MARCHF8: variants seen among roughly 807,000 people sequenced by gnomAD.
MARCHF8 encodes E3 ubiquitin-protein ligase MARCHF8.
MARCHF8 carries 40 observed loss-of-function variants against 51.6 expected under a neutral mutation model. The ratio of observed to expected loss-of-function variants is 0.77; its 90% CI spans 0.60 to 1.01. The LOEUF (loss-of-function observed/expected upper bound fraction) is 1.01. Ranked by LOEUF, MARCHF8 falls within the 50% of genes least tolerant of loss-of-function variation. MARCHF8 has a pLI of 0.00. For synonymous variants in MARCHF8, 263 were observed against 280.3 expected (o/e 0.94, Z 0.62); for missense variants, 685 against 708.6 (o/e 0.97, Z 0.38).
rs186188332 is a variant in MARCHF8 at position 45,506,412 on chromosome 10, T to C, written c.103-16995A>G. 8.1e-4 allele frequency among the ~76,000 whole-genome samples: 124 copies of C among 152,384 alleles called. 3 individuals carry two copies. The highest frequency in any genetic ancestry group is 7.0e-3 in the Admixed American group (107 of 15,312). On this transcript the variant is annotated intron_variant, in intron 2 of 7. Coordinates refer to ENST00000453424, the MANE Select transcript of MARCHF8 (RefSeq NM_001282866.2). The stretch of plus-strand genomic sequence containing the variant: ...TGAATAAACTAGCGTTACTTCTACT[T>C]AATGTCTAAGATTATGGAAAAGGTA...
intron 3 of MARCHF8, among the ~76,000 whole-genome samples, chr10:45,466,773 G>A (rs1432648871): frequency 6.6e-6 from 1 of 152,156 alleles, no homozygotes; most frequent in African/African-American, 2.4e-5. Context: ...TTTCTGATGG[G>A]AAATTAAAGT....
intron 1 of MARCHF8, among the ~76,000 whole-genome samples, chr10:45,561,071 T>C (rs527250810): frequency 1.2e-4 from 18 of 152,272 alleles, no homozygotes; most frequent in Non-Finnish European, 2.2e-4. Flanking sequence ...TTCTCTATGA[T>C]GGCAGGGCAC....
intron 1 of MARCHF8, among the ~76,000 whole-genome samples, chr10:45,550,370 G>C (rs1173518835): frequency 1.3e-5 from 2 of 152,174 alleles, no homozygotes; most frequent in African/African-American, 4.8e-5. Flanking sequence ...ATCTTTAGTA[G>C]GCTGACAGAG....
upstream of MARCHF8, among the ~76,000 whole-genome samples, chr10:45,535,976 A>G (rs776729221): frequency 9.9e-5 from 15 of 152,222 alleles, no homozygotes; most frequent in Non-Finnish European, 1.8e-4. Context: ...TAAAATGGCA[A>G]TTCTTCCCAA....
At chr10:45,589,784 A>T (rs948717186) in intron 1 of MARCHF8, among the ~76,000 whole-genome samples, 2 of 152,196 alleles carry the variant, frequency 1.3e-5, no homozygotes, top group East Asian at 3.8e-4. Flanking sequence ...CACTGCATGG[A>T]TAGACCACAT....
chr10:45,563,304 GC>G (rs2044330858), intron 1 of MARCHF8, among the ~76,000 whole-genome samples: 1 of 152,148 alleles, frequency 6.6e-6, no homozygotes, highest in Admixed American at 6.5e-5. Flanking sequence ...TGGAATTACA[GC>G]CGTGAGCCAC....
chr10:45,458,600 A>C (rs1386907950), intron 7 of MARCHF8, 57 bp from the exon 8 acceptor site: 2 of 1,481,838 alleles, frequency 1.3e-6, no homozygotes, highest in Admixed American at 4.8e-5. Flanking sequence ...GTAAAGAAAA[A>C]CACAACTTCT....
chr10:45,576,519 A>T (rs74411575), intron 1 of MARCHF8, among the ~76,000 whole-genome samples: 9,389 of 152,286 alleles, frequency 0.062, 329 homozygotes, highest in Non-Finnish European at 0.066. Flanking sequence ...TGGTGTTAGA[A>T]TAACACTGGT....
intron 2 of MARCHF8, among the ~76,000 whole-genome samples, chr10:45,506,599 A>G (rs1315500924): frequency 6.6e-6 from 1 of 152,266 alleles, no homozygotes; most frequent in Non-Finnish European, 1.5e-5. Context: ...ATATGCACTC[A>G]ATACTGATCT....
At chr10:45,469,934 G>T (rs1266225244) in intron 3 of MARCHF8, among the ~76,000 whole-genome samples, 1 of 138,936 alleles carries the variant, frequency 7.2e-6, no homozygotes, top group Admixed American at 7.2e-5. Context: ...TCACTTGAAA[G>T]TCACTGCCTG....
chr10:45,543,368 G>A (rs2044078672), intron 1 of MARCHF8, among the ~76,000 whole-genome samples: 1 of 152,076 alleles, frequency 6.6e-6, no homozygotes, highest in Admixed American at 6.5e-5. Flanking sequence ...CTTTGCAGAT[G>A]TTATTTAAAA....
intron 2 of MARCHF8, among the ~76,000 whole-genome samples, chr10:45,524,933 G>C (rs2043766969): frequency 6.6e-6 from 1 of 152,224 alleles, no homozygotes; most frequent in Admixed American, 6.5e-5. Flanking sequence ...ATTAAACTGG[G>C]AGTTTGCCCA....
intron 1 of MARCHF8, among the ~76,000 whole-genome samples, chr10:45,570,412 C>T (rs1175163813): frequency 3.9e-5 from 6 of 152,056 alleles, no homozygotes; most frequent in Admixed American, 2.6e-4. Flanking sequence ...AAGCATTTGA[C>T]GAAGTTCCAT....
intron 3 of MARCHF8, among the ~76,000 whole-genome samples, chr10:45,484,157 T>A (rs963021694): frequency 6.6e-6 from 1 of 152,124 alleles, no homozygotes; most frequent in African/African-American, 2.4e-5. Context: ...TAACAAAATA[T>A]CAGAGGTACC....
chr10:45,541,893 G>C (rs1245866372), intron 1 of MARCHF8, among the ~76,000 whole-genome samples: 1 of 152,166 alleles, frequency 6.6e-6, no homozygotes, highest in Non-Finnish European at 1.5e-5. Flanking sequence ...CAACAACAAG[G>C]CTTTGGACTG....
At chr10:45,584,340 A>G (rs2044594212) in intron 1 of MARCHF8, among the ~76,000 whole-genome samples, 1 of 151,846 alleles carries the variant, frequency 6.6e-6, no homozygotes, top group Admixed American at 6.6e-5. Flanking sequence ...TAGAGAATAC[A>G]TACAGAATAA....
At chr10:45,590,401 A>T (rs1204020324) in intron 1 of MARCHF8, among the ~76,000 whole-genome samples, 2 of 152,164 alleles carry the variant, frequency 1.3e-5, no homozygotes, top group African/African-American at 2.4e-5. Context: ...GTTTTCTCAT[A>T]CCAAACACTG....
intron 3 of MARCHF8, among the ~76,000 whole-genome samples, chr10:45,481,998 T>A (rs532670794): frequency 1.3e-5 from 2 of 152,236 alleles, no homozygotes; most frequent in East Asian, 3.9e-4. Flanking sequence ...CATACAAAAG[T>A]TGATAGTGTT....
intron 1 of MARCHF8, among the ~76,000 whole-genome samples, chr10:45,555,801 T>C (rs1488957697): frequency 2.0e-5 from 3 of 151,912 alleles, no homozygotes; most frequent in African/African-American, 7.3e-5. Context: ...ATGATACTTT[T>C]TAAATAAAGG....
Sources: gnomAD v4.1 joint callset for allele counts (sites outside exome capture counted in the v4.1 genomes callset) on GRCh38, gnomAD v4.1.1 for gene constraint, MANE v1.5 for transcripts, NCBI Gene and HGNC (gene_info 2026-07-23, HGNC 2026-07-21) for gene names.